SV2B: variants seen among roughly 807,000 people sequenced by gnomAD.
SV2B encodes synaptic vesicle glycoprotein 2B.
In SV2B, 41 loss-of-function variants were observed where a neutral mutation model predicts 73.9. The observed-to-expected ratio is 0.56, with a 90% CI of 0.43 to 0.72. The LOEUF is 0.72. Among genes scored for constraint, SV2B ranks in the 30% least tolerant of loss-of-function variants. The pLI, the probability that SV2B is intolerant of heterozygous loss-of-function variation, is 0.00. For missense variants in SV2B, 764 were observed against 857.8 expected (o/e 0.89, Z 1.37); for synonymous variants, 314 against 314.2 (o/e 1.00, Z 0.01).
intron 1 of SV2B, among the ~76,000 whole-genome samples, chr15:91,177,065 T>C (rs1338579041): frequency 6.7e-6 from 1 of 150,016 alleles, no homozygotes; most frequent in Non-Finnish European, 1.5e-5. Flanking sequence ...AATTAATTTT[T>C]GTATAAGGTG....
At chr15:91,193,534 G>C (rs1423125274) in intron 1 of SV2B, among the ~76,000 whole-genome samples, 2 of 152,142 alleles carry the variant, frequency 1.3e-5, no homozygotes, top group Admixed American at 1.3e-4. Flanking sequence ...AGACCTAATC[G>C]AGAGGCAGAT....
At chr15:91,153,916 T>A (rs545822648) in intron 1 of SV2B, among the ~76,000 whole-genome samples, 1 of 152,066 alleles carries the variant, frequency 6.6e-6, no homozygotes, top group Admixed American at 6.6e-5. Flanking sequence ...CTGAGGTTTC[T>A]CTAGTCTCCT....
intron 10 of SV2B, among the ~76,000 whole-genome samples, chr15:91,282,249 T>C (rs1165433236): frequency 1.3e-5 from 2 of 152,210 alleles, no homozygotes; most frequent in Non-Finnish European, 2.9e-5. Context: ...CTTGCACAAT[T>C]TGAAACTTGC....
chr15:91,177,241 A>G (rs2044347585), intron 1 of SV2B, among the ~76,000 whole-genome samples: 1 of 151,946 alleles, frequency 6.6e-6, no homozygotes, highest in Non-Finnish European at 1.5e-5. Flanking sequence ...GTTCTGTTCC[A>G]TTGATCTATA....
intron 1 of SV2B, among the ~76,000 whole-genome samples, chr15:91,127,114 G>A (rs994357891): frequency 2.0e-5 from 3 of 152,324 alleles, no homozygotes; most frequent in East Asian, 3.9e-4. Flanking sequence ...TGTATACAAT[G>A]GGATGATAAT....
chr15:91,219,190 C>T (rs531952719), intron 1 of SV2B, among the ~76,000 whole-genome samples: 2 of 152,128 alleles, frequency 1.3e-5, no homozygotes, highest in Admixed American at 1.3e-4. Flanking sequence ...CTCAGGTGAT[C>T]CACCCAACTT....
At position 91,241,461 on chromosome 15, in the gene SV2B, A is replaced by G. The variant is rs2047010105; in HGVS notation, c.452-10358A>G. ...CAGAGGATCCTTTGTGCTGCCAGCC[A>G]TCATCCTTCATTTCCCTCATCCCTT... On this transcript the variant is annotated intron_variant, in intron 2 of 12. Coordinates refer to ENST00000394232, the MANE Select transcript of SV2B (RefSeq NM_001323032.3). This position sits in a 1 kb window ranked among gnomAD's most constrained non-coding sequence, Gnocchi z 4.8. 6.6e-6 allele frequency among the ~76,000 whole-genome samples: 1 copy of G among 151,138 alleles called. No individual in the cohort carries two copies. Among genetic ancestry groups the G allele is most frequent in the Non-Finnish European group, 1.5e-5 (1 of 67,704 alleles).
chr15:91,179,046 C>T (rs2044443113), intron 1 of SV2B, among the ~76,000 whole-genome samples: 1 of 151,754 alleles, frequency 6.6e-6, no homozygotes. Flanking sequence ...ATAAATTTCC[C>T]TCTACACACT....
intron 9 of SV2B, among the ~76,000 whole-genome samples, chr15:91,271,127 C>T (rs2048304497): frequency 6.6e-6 from 1 of 152,066 alleles, no homozygotes; most frequent in African/African-American, 2.4e-5. Flanking sequence ...ATGGTGAATC[C>T]TGTGGATGAT....
At chr15:91,184,970 T>G (rs1340749505) in intron 1 of SV2B, among the ~76,000 whole-genome samples, 1 of 152,260 alleles carries the variant, frequency 6.6e-6, no homozygotes, top group East Asian at 1.9e-4. Flanking sequence ...CATAAAAGTT[T>G]CTTTCATTTT....
intron 1 of SV2B, among the ~76,000 whole-genome samples, chr15:91,107,416 G>A (rs1451123764): frequency 1.3e-5 from 2 of 151,892 alleles, no homozygotes; most frequent in South Asian, 2.1e-4. Flanking sequence ...GGGTTCAAGC[G>A]ATTCTCCTGC....
intron 4 of SV2B, among the ~76,000 whole-genome samples, chr15:91,257,708 T>C (rs1244193929): frequency 6.6e-6 from 1 of 152,202 alleles, no homozygotes; most frequent in Non-Finnish European, 1.5e-5. Context: ...ATAGAAGCCC[T>C]GGGTCGTATG....
chr15:91,157,970 A>T (rs1165775463), intron 1 of SV2B, among the ~76,000 whole-genome samples: 1 of 152,084 alleles, frequency 6.6e-6, no homozygotes, highest in Non-Finnish European at 1.5e-5. Flanking sequence ...GGTGGGGAGC[A>T]CTGGTTTTGG....
chr15:91,291,693 T>C (rs2049045724), intron 12 of SV2B, among the ~76,000 whole-genome samples: 1 of 152,176 alleles, frequency 6.6e-6, no homozygotes, highest in South Asian at 2.1e-4. Context: ...GCTCTTTCTA[T>C]CTCATTGTTT....
chr15:91,170,402 C>T (rs2044082603), intron 1 of SV2B, among the ~76,000 whole-genome samples: 1 of 152,196 alleles, frequency 6.6e-6, no homozygotes, highest in African/African-American at 2.4e-5. Flanking sequence ...ATTCTCCTGC[C>T]TCAGCCTCCC....
At chr15:91,285,325 A>G (rs2048823939) in intron 11 of SV2B, among the ~76,000 whole-genome samples, 1 of 152,168 alleles carries the variant, frequency 6.6e-6, no homozygotes, top group African/African-American at 2.4e-5. Flanking sequence ...GCTCTCCTCT[A>G]TTAGAGGCAG....
chr15:91,173,746 A>G (rs2044206873), intron 1 of SV2B, among the ~76,000 whole-genome samples: 2 of 152,224 alleles, frequency 1.3e-5, no homozygotes. Flanking sequence ...GCAGGAAAGA[A>G]TAGGTGAATA....
chr15:91,248,237 C>T (rs1297777106), intron 2 of SV2B, among the ~76,000 whole-genome samples: 1 of 152,076 alleles, frequency 6.6e-6, no homozygotes, highest in Non-Finnish European at 1.5e-5. Flanking sequence ...AGGAGGATGG[C>T]GTGAACCCGG....
At chr15:91,285,002 C>T (rs2048811337) in intron 11 of SV2B, among the ~76,000 whole-genome samples, 2 of 152,156 alleles carry the variant, frequency 1.3e-5, no homozygotes, top group Non-Finnish European at 2.9e-5. Flanking sequence ...GTGGACAACA[C>T]ATTATTAATA....
Sources: allele counts gnomAD v4.1 joint callset (sites outside exome capture counted in the v4.1 genomes callset), GRCh38; gene constraint gnomAD v4.1.1; non-coding constraint Gnocchi (gnomAD v3.1); transcripts MANE v1.5; gene names NCBI Gene and HGNC (gene_info 2026-07-23, HGNC 2026-07-21).